CCSER2: variants seen among roughly 807,000 people sequenced by gnomAD.
The protein encoded by CCSER2 is coiled-coil serine rich protein 2.
Under a neutral mutation model 92.3 loss-of-function variants are expected in CCSER2, and 46 were observed. The observed-to-expected ratio is 0.50, with a 90% CI of 0.39 to 0.64. CCSER2 has a LOEUF of 0.64. Among genes scored for constraint, CCSER2 ranks in the 30% least tolerant of loss-of-function variants. CCSER2 has a pLI of 0.00. For synonymous variants in CCSER2, 433 were observed against 431.4 expected, an observed-to-expected ratio of 1.00 and a Z score of -0.04; for missense variants, 1,244 against 1,238.9, an observed-to-expected ratio of 1.00 and a Z score of -0.06.
At chr10:84,356,731 T>C (rs2133095347) in intron 1 of CCSER2, among the ~76,000 whole-genome samples, 1 of 152,270 alleles carries the variant, frequency 6.6e-6, no homozygotes, top group Middle Eastern at 3.4e-3. Context: ...AAAATCAATA[T>C]CATGCATTAG....
chr10:84,512,041 G>A (rs1183556026), intron 9 of CCSER2, among the ~76,000 whole-genome samples: 2 of 151,944 alleles, frequency 1.3e-5, no homozygotes, highest in African/African-American at 4.8e-5. Flanking sequence ...CAAGTCAGCT[G>A]TATGCCATCA....
chr10:84,333,044 CAAAAT>C (rs997328023), intron 1 of CCSER2, among the ~76,000 whole-genome samples: 1 of 151,912 alleles, frequency 6.6e-6, no homozygotes, highest in African/African-American at 2.4e-5. Context: ...AATAGGAAAA[CAAAAT>C]AACCTAACTT....
intron 1 of CCSER2, among the ~76,000 whole-genome samples, chr10:84,349,376 TG>T (rs770334783): frequency 2.0e-5 from 3 of 152,176 alleles, no homozygotes; most frequent in Non-Finnish European, 2.9e-5. Context: ...CTATATATCT[TG>T]AAACCCATCT....
rs1397012253 is a variant in CCSER2 at position 84,463,953 on chromosome 10, G to A, written c.2085G>A (p.Leu695=). The A allele has an allele frequency of 6.8e-6, 11 of 1,609,656 alleles. No individual in the cohort carries two copies. Among genetic ancestry groups the A allele is most frequent in the South Asian group, 3.3e-5 (3 of 90,870 alleles). Residue 695 remains leucine, a synonymous_variant, in exon 7 of 10, where the codon TTG becomes TTA. Coordinates refer to ENST00000372088, the MANE Select transcript of CCSER2 (RefSeq NM_001284240.2). ...GACAGCATGATGGAAGTGGTTCATTGCATGATATTCAACTGTCATTGCCAT... is the reference window on the plus strand; with the variant it reads ...GACAGCATGATGGAAGTGGTTCATTACATGATATTCAACTGTCATTGCCAT... ...LLHQHDGSGS[L]HDIQLSLPSS... is the part of the protein sequence containing the mutation.
intron 3 of CCSER2, among the ~76,000 whole-genome samples, chr10:84,396,485 G>T (rs1222896298): frequency 1.3e-5 from 2 of 151,484 alleles, no homozygotes; most frequent in Admixed American, 6.6e-5. Flanking sequence ...CAGCGTGATT[G>T]TATTATTCAT....
chr10:84,458,520 T>C (rs1845909299), intron 6 of CCSER2, among the ~76,000 whole-genome samples: 1 of 152,204 alleles, frequency 6.6e-6, no homozygotes, highest in African/African-American at 2.4e-5. Context: ...TCTTTTGCCT[T>C]TTCATGTAAA....
intron 3 of CCSER2, among the ~76,000 whole-genome samples, chr10:84,415,696 C>T (rs941008248): frequency 6.6e-5 from 10 of 152,182 alleles, no homozygotes; most frequent in South Asian, 2.1e-4. Context: ...AGCTGTGCTG[C>T]GTTGTGGGGG....
chr10:84,391,937 T>C, intron 3 of CCSER2: 1 of 1,358,038 alleles, frequency 7.4e-7, no homozygotes, highest in Non-Finnish European at 1.1e-6. Context: ...ACATTCGGTG[T>C]AAGATCCTTC....
intron 1 of CCSER2, among the ~76,000 whole-genome samples, chr10:84,337,302 G>A (rs925676166): frequency 2.0e-5 from 3 of 152,160 alleles, no homozygotes; most frequent in East Asian, 1.9e-4. Flanking sequence ...CCAAGAAGCC[G>A]CACGCCTATA....
chr10:84,424,928 G>A, intron 4 of CCSER2: 1 of 938,194 alleles, frequency 1.1e-6, no homozygotes, highest in Non-Finnish European at 1.3e-6. Context: ...AGGAAGGAAG[G>A]CCTGTTCAGC....
chr10:84,351,986 A>G (rs1432260994), intron 1 of CCSER2, among the ~76,000 whole-genome samples: 10 of 152,116 alleles, frequency 6.6e-5, no homozygotes, highest in Non-Finnish European at 1.5e-4. Context: ...TGGATCACTC[A>G]TGAGAGCAAG....
intron 1 of CCSER2, among the ~76,000 whole-genome samples, chr10:84,368,993 C>T (rs896381807): frequency 5.5e-4 from 83 of 152,200 alleles, no homozygotes; most frequent in African/African-American, 1.8e-3. Flanking sequence ...TCTCCATCCA[C>T]GTTGCTTCAA....
At chr10:84,443,149 G>A (rs1247873701) in intron 6 of CCSER2, among the ~76,000 whole-genome samples, 1 of 152,110 alleles carries the variant, frequency 6.6e-6, no homozygotes, top group African/African-American at 2.4e-5. Flanking sequence ...TGACAAATGG[G>A]ATCTAATTAA....
chr10:84,469,854 A>G (rs1846670700), intron 7 of CCSER2, among the ~76,000 whole-genome samples: 1 of 152,036 alleles, frequency 6.6e-6, no homozygotes, highest in Admixed American at 6.6e-5. Context: ...GTTACCCTTC[A>G]GGCACATTTA....
chr10:84,465,314 A>ATTTTT (rs34510394), intron 7 of CCSER2, among the ~76,000 whole-genome samples: 2 of 49,884 alleles, frequency 4.0e-5, no homozygotes, highest in Admixed American at 5.5e-4. Flanking sequence ...ACATGTAAAG[A>ATTTTT]TTTTTTTTTT....
chr10:84,396,927 T>TC (rs1841875893), intron 3 of CCSER2, among the ~76,000 whole-genome samples: 3 of 152,246 alleles, frequency 2.0e-5, no homozygotes, highest in Non-Finnish European at 4.4e-5. Flanking sequence ...ACAATGGGCA[T>TC]CAAGATTGTT....
At chr10:84,396,874 C>T (rs576860678) in intron 3 of CCSER2, among the ~76,000 whole-genome samples, 2 of 152,200 alleles carry the variant, frequency 1.3e-5, no homozygotes, top group Admixed American at 6.6e-5. Context: ...CTGTATACTA[C>T]TTATTTTGTA....
At chr10:84,393,976 G>A (rs1841677068) in intron 3 of CCSER2, 1 of 152,132 alleles carries the variant, frequency 6.6e-6, no homozygotes, top group Non-Finnish European at 1.5e-5. Flanking sequence ...AAATTTGAAC[G>A]AATAGAAGGG....
intron 3 of CCSER2, among the ~76,000 whole-genome samples, chr10:84,379,445 T>A (rs1013202635): frequency 8.5e-5 from 13 of 152,106 alleles, no homozygotes; most frequent in African/African-American, 3.1e-4. Context: ...TTTCTTTAGT[T>A]TAATTTGTTT....
Sources: allele counts gnomAD v4.1 joint callset (sites outside exome capture counted in the v4.1 genomes callset), GRCh38; gene constraint gnomAD v4.1.1; transcripts MANE v1.5; gene names NCBI Gene and HGNC (gene_info 2026-07-23, HGNC 2026-07-21).